The following MPHOSPH9 variants were observed in gnomAD, a reference collection of about 807,000 sequenced individuals.
MPHOSPH9 encodes the protein M-phase phosphoprotein 9.
A neutral mutation model predicts 145.5 loss-of-function variants in MPHOSPH9; 88 were observed. The observed-to-expected ratio is 0.60, with a 90% CI of 0.51 to 0.72. MPHOSPH9 has a LOEUF of 0.72. MPHOSPH9 is among the 30% of genes least tolerant of loss of function. The probability of loss-of-function intolerance (pLI) is 0.00; values close to 1 mark genes in which losing one functional copy is unlikely to be tolerated. For missense variants in MPHOSPH9, 1,238 were observed against 1,386.6 expected, an observed-to-expected ratio of 0.89 and a Z score of 1.70; for synonymous variants, 435 against 486.2, an observed-to-expected ratio of 0.89 and a Z score of 1.39.
intron 16 of MPHOSPH9, among the ~76,000 whole-genome samples, chr12:123,176,419 A>G (rs1332396845): frequency 6.6e-6 from 1 of 152,206 alleles, no homozygotes; most frequent in Non-Finnish European, 1.5e-5. Context: ...TGAATTCCAA[A>G]AAAGGTAAGT....
chr12:123,182,363 C>T (rs554241059), intron 13 of MPHOSPH9, among the ~76,000 whole-genome samples: 1 of 149,940 alleles, frequency 6.7e-6, no homozygotes, highest in East Asian at 2.0e-4. Flanking sequence ...AAGCAATTCT[C>T]CCACCTCAGC....
rs757205190 is a variant in MPHOSPH9 at position 123,230,409 on chromosome 12, C to T, written c.-45G>A. The T allele has an allele frequency of 1.1e-4, 143 of 1,245,848 alleles. No homozygotes were observed. The highest frequency in any genetic ancestry group is 3.8e-4 in the Middle Eastern group (2 of 5,304). The allele number at this position is 1,245,848 out of a possible 1,614,324, so 77.2% of individuals were successfully genotyped here. On this transcript the variant is annotated 5_prime_UTR_variant, in exon 2 of 24. Coordinates refer to ENST00000606320, the MANE Select transcript of MPHOSPH9 (RefSeq NM_022782.4). ...ATTCTCTTATTGGAAAATAAAGGTT[C>T]TTGGGCTGTTTGAGAAAAATGAATC...
At chr12:123,182,538 G>A (rs1244671916) in intron 13 of MPHOSPH9, among the ~76,000 whole-genome samples, 1 of 150,976 alleles carries the variant, frequency 6.6e-6, no homozygotes, top group African/African-American at 2.4e-5. Flanking sequence ...GAGCCACCAC[G>A]CCTGGCCTAT....
downstream of MPHOSPH9, among the ~76,000 whole-genome samples, chr12:123,154,056 C>T (rs953897729): frequency 5.9e-5 from 9 of 152,250 alleles, no homozygotes; most frequent in South Asian, 1.0e-3. Flanking sequence ...TTGGAAAAGT[C>T]CTTCAGTTGC....
chr12:123,211,871 T>C (rs1157770798), intron 7 of MPHOSPH9, among the ~76,000 whole-genome samples: 2 of 151,524 alleles, frequency 1.3e-5, no homozygotes, highest in Non-Finnish European at 1.5e-5. Flanking sequence ...ATTTTTGTAT[T>C]TTGTGTAGAG....
intron 3 of MPHOSPH9, among the ~76,000 whole-genome samples, chr12:123,225,046 G>C (rs1052283500): frequency 6.6e-6 from 1 of 152,076 alleles, no homozygotes; most frequent in Admixed American, 6.6e-5. Context: ...TCACATTTAG[G>C]ATAGTATATT....
At chr12:123,234,688 C>A (rs183567175), upstream of MPHOSPH9, among the ~76,000 whole-genome samples, 1 of 152,304 alleles carries the variant, frequency 6.6e-6, no homozygotes, top group East Asian at 1.9e-4. Context: ...TGAGCCACCA[C>A]GCCTGGCAAT....
chr12:123,162,489 C>A (rs775606987), intron 20 of MPHOSPH9: 12 of 218,700 alleles, frequency 5.5e-5, no homozygotes, highest in African/African-American at 9.1e-5. Flanking sequence ...TTATTATTAT[C>A]CCCGTTTTAT....
intron 7 of MPHOSPH9, among the ~76,000 whole-genome samples, chr12:123,210,444 GC>G (rs1361862866): frequency 6.6e-6 from 1 of 152,060 alleles, no homozygotes; most frequent in African/African-American, 2.4e-5. Flanking sequence ...TGTAATCCCA[GC>G]CCTTTGGGAA....
At chr12:123,210,977 CTTTTT>C (rs907442708) in intron 7 of MPHOSPH9, among the ~76,000 whole-genome samples, 1 of 89,786 alleles carries the variant, frequency 1.1e-5, no homozygotes, top group Non-Finnish European at 2.1e-5. Flanking sequence ...TTTGTTTTTT[CTTTTT>C]TTTTTTTTTT....
chr12:123,153,315 A>G (rs2043808838), downstream of MPHOSPH9: 1 of 152,244 alleles, frequency 6.6e-6, no homozygotes. Flanking sequence ...TGGCTAAAAA[A>G]CCAAACACAC....
At chr12:123,239,902 C>T (rs1376166148) in intron 1 of MPHOSPH9, among the ~76,000 whole-genome samples, 1 of 152,110 alleles carries the variant, frequency 6.6e-6, no homozygotes, top group Non-Finnish European at 1.5e-5. Flanking sequence ...CACTCCTTTA[C>T]ACCTTCTCAG....
chr12:123,173,710 C>G (rs1397298903), intron 16 of MPHOSPH9, among the ~76,000 whole-genome samples: 1 of 152,182 alleles, frequency 6.6e-6, no homozygotes, highest in African/African-American at 2.4e-5. Context: ...ACTGAGGGGG[C>G]ATCACACCCC....
intron 6 of MPHOSPH9, among the ~76,000 whole-genome samples, chr12:123,217,608 G>A (rs1231308776): frequency 1.3e-5 from 2 of 152,058 alleles, no homozygotes; most frequent in African/African-American, 4.8e-5. Flanking sequence ...GTAAACATTT[G>A]CAGTACAAAG....
intron 3 of MPHOSPH9, among the ~76,000 whole-genome samples, chr12:123,226,520 A>AT (rs774539236): frequency 8.0e-5 from 12 of 149,580 alleles, no homozygotes; most frequent in Non-Finnish European, 1.6e-4. Context: ...ATTTATATAT[A>AT]CTTTTTTTTT....
In MPHOSPH9 at chr12:123,203,368, G is replaced by C. The variant is rs778780184; in HGVS notation, c.1202C>G (p.Thr401Ser). Reference sequence around the variant, plus strand: ...TGACGGTAGCTTCATCTCATTACTAGTATTAGACTTAAAGATACGAAACAA... The same window carrying C: ...TGACGGTAGCTTCATCTCATTACTACTATTAGACTTAAAGATACGAAACAA... ...STDVSPNQSN[T>S]SNEMKLPSLK... Residue 401 changes from threonine to serine, a missense_variant, in exon 9 of 24, where the codon ACT becomes AGT. Around this residue, in one of 3 missense-constraint regions of MPHOSPH9, gnomAD observed 837 missense variants for 897.5 expected, o/e 0.93. Coordinates refer to ENST00000606320, the MANE Select transcript of MPHOSPH9 (RefSeq NM_022782.4). 16 of 1,593,248 alleles carry C rather than the reference G, an allele frequency of 1.0e-5. No homozygotes were observed. The African/African-American group carries it at 1.8e-4, about 18-fold the overall frequency.
At chr12:123,228,005 C>T (rs1253230091) in intron 2 of MPHOSPH9, among the ~76,000 whole-genome samples, 1 of 152,174 alleles carries the variant, frequency 6.6e-6, no homozygotes, top group African/African-American at 2.4e-5. Context: ...TTCCCCACTG[C>T]CCCAAATGAC....
chr12:123,205,040 A>G (rs961949083), intron 8 of MPHOSPH9, among the ~76,000 whole-genome samples: 1 of 152,216 alleles, frequency 6.6e-6, no homozygotes, highest in African/African-American at 2.4e-5. Flanking sequence ...AGAACCAATT[A>G]ACCTTGGGCC....
intron 17 of MPHOSPH9, 143 bp from the exon 18 acceptor site, chr12:123,165,620 G>A (rs2044286592): frequency 2.9e-6 from 2 of 701,084 alleles, no homozygotes; most frequent in Admixed American, 5.7e-5. Context: ...AGGTAATTAG[G>A]GTTGGATGAG....
Sources: gnomAD v4.1 joint callset for allele counts (sites outside exome capture counted in the v4.1 genomes callset) on GRCh38, gnomAD v4.1.1 for gene constraint, gnomAD v4.1.1 regional missense constraint, MANE v1.5 for transcripts, NCBI Gene and HGNC (gene_info 2026-07-23, HGNC 2026-07-21) for gene names.